The following LRIG2 variants were observed in gnomAD, a reference collection of about 807,000 sequenced individuals.
LRIG2 encodes leucine rich repeats and immunoglobulin like domains 2.
A neutral mutation model predicts 107.8 loss-of-function variants in LRIG2; 93 were observed. The ratio of observed to expected loss-of-function variants is 0.86; its 90% confidence interval spans 0.73 to 1.03. The LOEUF (loss-of-function observed/expected upper bound fraction) is 1.03. LRIG2 is among the 50% of genes least tolerant of loss of function. LRIG2 has a pLI of 0.00. For synonymous variants in LRIG2, 471 were observed against 470.6 expected, an observed-to-expected ratio of 1.00 and a Z score of -0.01; for missense variants, 1,226 against 1,296.0, an observed-to-expected ratio of 0.95 and a Z score of 0.83.
At position 113,113,793 on chromosome 1, in the gene LRIG2, C is replaced by A. The variant is rs529442922; in HGVS notation, c.2081-634C>A. ...GGTCAGGCTGGTCTCGAACTCCTGA[C>A]CTCATGATCCGCCTGCCTCAGCCTT... is the stretch of plus-strand genomic sequence containing the variant. On this transcript the variant is annotated intron_variant, in intron 14 of 17. Coordinates refer to ENST00000361127, the MANE Select transcript of LRIG2 (RefSeq NM_014813.3). Among the ~76,000 whole-genome samples the A allele has an allele frequency of 2.0e-5, 3 of 151,994 alleles. No homozygotes were observed. In the East Asian group the frequency reaches 5.8e-4, roughly 29 times the overall value.
chr1:113,083,363 T>TTTG (rs1653378188), intron 1 of LRIG2, among the ~76,000 whole-genome samples: 1 of 148,530 alleles, frequency 6.7e-6, no homozygotes, highest in African/African-American at 2.5e-5. Flanking sequence ...TTTTTTTTTT[T>TTTG]GAGACGGAGT....
intron 11 of LRIG2, 120 bp downstream of exon 11, chr1:113,100,608 G>A: frequency 1.7e-6 from 1 of 597,336 alleles, no homozygotes; most frequent in East Asian, 2.8e-5. Context: ...CAGGAAAAAA[G>A]AAAGTATTAA....
chr1:113,089,724 G>A (rs973011854), intron 1 of LRIG2, among the ~76,000 whole-genome samples: 15 of 111,388 alleles, frequency 1.3e-4, no homozygotes, highest in African/African-American at 4.3e-4. Context: ...CTTTGTCACC[G>A]AGGCTGGAGT....
At chr1:113,108,828 A>G (rs1273508192) in intron 12 of LRIG2, among the ~76,000 whole-genome samples, 1 of 152,084 alleles carries the variant, frequency 6.6e-6, no homozygotes, top group South Asian at 2.1e-4. Context: ...GTGAGGCAAG[A>G]TTGTGCCACT....
rs1654531643 is a variant in LRIG2, at chr1:113,106,167, G to A, written c.1314-1427G>A. On this transcript the variant is annotated intron_variant, in intron 11 of 17. Coordinates refer to ENST00000361127, the MANE Select transcript of LRIG2 (RefSeq NM_014813.3). ...CGCTTGAACCCGGGAGGCGGAGGTT[G>A]CAGTGGGCCGAGATTGCGCCACTGC... 2.0e-5 allele frequency among the ~76,000 whole-genome samples: 3 copies of A among 151,862 alleles called. No homozygotes were observed. In the South Asian group the frequency reaches 6.2e-4, roughly 32 times the overall value.
intron 16 of LRIG2, among the ~76,000 whole-genome samples, chr1:113,117,630 C>G (rs895050841): frequency 6.6e-6 from 1 of 151,852 alleles, no homozygotes; most frequent in Non-Finnish European, 1.5e-5. Context: ...ATTACAGGTG[C>G]GTGCCACCAT....
rs1018239176 is a variant in LRIG2 at position 113,120,921 on chromosome 1, C to T, written c.2971+1398C>T. ...GCAACCTCTGCCTCCCAGGTTCAAG[C>T]GATTTTCCTGCCTCAGCCTCCTGAG... is the stretch of plus-strand genomic sequence containing the variant. On this transcript the variant is annotated intron_variant, in intron 17 of 17. Coordinates refer to ENST00000361127, the MANE Select transcript of LRIG2 (RefSeq NM_014813.3). Among the ~76,000 whole-genome samples, 5 of 151,736 alleles carry T rather than the reference C, an allele frequency of 3.3e-5. No homozygotes were observed. In the East Asian group the frequency reaches 7.7e-4, roughly 23 times the overall value.
Position 113,125,730 on chromosome 1 carries a change from G to A in LRIG2, c.*1629G>A, listed in dbSNP as rs1047462185. On this transcript the variant is annotated 3_prime_UTR_variant, in exon 18 of 18. Transcript: ENST00000361127. ...TGTTCTGACTGGGGTGAGCCGCTAG[G>A]ATACAAATCACTATCACTGTCCATA... 6.6e-6 allele frequency: 1 copy of A among 152,174 alleles called. No individual in the cohort carries two copies. Among genetic ancestry groups the A allele is most frequent in the African/African-American group, 2.4e-5 (1 of 41,440 alleles). The allele number at this position is 152,174 out of a possible 1,614,324, so 9.4% of individuals were successfully genotyped here.
chr1:113,096,363 AT>A lies in LRIG2; in HGVS notation c.1091del (p.Leu364Ter). On this transcript the variant is annotated frameshift_variant and splice_region_variant, in exon 8 of 18. Transcript: ENST00000361127. LOFTEE classifies it high-confidence loss of function. ...VFRFLSNLQT[L>X]DLRNNEISWA... ...TTAGATTTCTTTCCAATCTTCAGACATTGTAAGTATATCCATTCTCCTTTTT... is the reference window on the plus strand; with the variant it reads ...TTAGATTTCTTTCCAATCTTCAGACATGTAAGTATATCCATTCTCCTTTTT... The A allele has an allele frequency of 1.9e-6, 3 of 1,612,438 alleles. No homozygotes were observed. The highest frequency in any genetic ancestry group is 2.5e-6 in the Non-Finnish European group (3 of 1,179,558).
rs148144342 is a variant in LRIG2 at position 113,124,300 on chromosome 1, C to T, written c.*199C>T. The stretch of plus-strand genomic sequence containing the variant: ...TGGCAACAGCTGACAGAAATGGGTA[C>T]AGCTCATCAAAAATGTGCAGCACCG... On this transcript the variant is annotated 3_prime_UTR_variant, in exon 18 of 18. Transcript: ENST00000361127. 291 of 595,866 alleles carry T rather than the reference C, an allele frequency of 4.9e-4. 1 individual carries two copies. The East Asian group carries it at 6.2e-3, about 13-fold the overall frequency. The allele number at this position is 595,866 out of a possible 1,614,324, so 36.9% of individuals were successfully genotyped here.
chr1:113,119,903 T>A (rs901221693), intron 17 of LRIG2, among the ~76,000 whole-genome samples: 1 of 152,012 alleles, frequency 6.6e-6, no homozygotes, highest in Non-Finnish European at 1.5e-5. Flanking sequence ...TCTGCCTCCC[T>A]GGTTCAAGCA....
At chr1:113,084,789 C>T (rs1365657329) in intron 1 of LRIG2, among the ~76,000 whole-genome samples, 1 of 152,098 alleles carries the variant, frequency 6.6e-6, no homozygotes, top group Non-Finnish European at 1.5e-5. Flanking sequence ...TGGCATTTAA[C>T]CAGTTGAGAA....
At chr1:113,110,590 T>G in intron 13 of LRIG2, 28 bp downstream of exon 13, 1 of 1,512,970 alleles carries the variant, frequency 6.6e-7, no homozygotes, top group Non-Finnish European at 9.0e-7. Context: ...TTGATTTTTT[T>G]TAGTTTAGAA....
intron 14 of LRIG2, 76 bp downstream of exon 14, chr1:113,112,836 A>T: frequency 7.2e-7 from 1 of 1,388,084 alleles, no homozygotes; most frequent in Non-Finnish European, 9.7e-7. Flanking sequence ...TGAGCAAGAA[A>T]AATAAGTTTG....
Position 113,124,696 on chromosome 1 carries a change from T to A in LRIG2, c.*595T>A, listed in dbSNP as rs967972392. The A allele has an allele frequency of 6.5e-6, 1 of 152,902 alleles. No homozygotes were observed. Among genetic ancestry groups the A allele is most frequent in the African/African-American group, 2.4e-5 (1 of 41,442 alleles). The allele number at this position is 152,902 out of a possible 1,614,324, so 9.5% of individuals were successfully genotyped here. ...TGTCCCTATTGCCCAGGGATGTCAT[T>A]GTAAATATATGTGCATTTATAAATA... On this transcript the variant is annotated 3_prime_UTR_variant, in exon 18 of 18. Transcript: ENST00000361127.
intron 6 of LRIG2, among the ~76,000 whole-genome samples, chr1:113,095,611 G>A (rs1654027312): frequency 1.3e-5 from 2 of 152,034 alleles, no homozygotes; most frequent in East Asian, 3.9e-4. Flanking sequence ...GTTTTACCAT[G>A]TTGGTCAGGG....
At position 113,096,379 on chromosome 1, in the gene LRIG2, T is replaced by C; in HGVS notation, c.1091+14T>C. The stretch of plus-strand genomic sequence containing the variant: ...TCTTCAGACATTGTAAGTATATCCA[T>C]TCTCCTTTTTGGTTGTTGTTACTGA... On this transcript the variant is annotated intron_variant, in intron 8 of 17. Transcript: ENST00000361127. 11 of 1,604,522 alleles carry C rather than the reference T, an allele frequency of 6.9e-6. No homozygotes were observed. The highest frequency in any genetic ancestry group is 9.3e-6 in the Non-Finnish European group (11 of 1,176,818).
rs1323619961 is a variant in LRIG2, at chr1:113,128,068, T to C, written c.*3967T>C. On this transcript the variant is annotated 3_prime_UTR_variant, in exon 18 of 18. Coordinates refer to ENST00000361127, the MANE Select transcript of LRIG2 (RefSeq NM_014813.3). The stretch of plus-strand genomic sequence containing the variant: ...AATTTCAGCCACTTAAATAAAAATA[T>C]CTATTTTTAAGTCCTGGTTCAAGGG... The C allele has an allele frequency of 2.0e-5, 3 of 152,188 alleles. No homozygotes were observed. The highest frequency in any genetic ancestry group is 1.5e-5 in the Non-Finnish European group (1 of 68,042). 9.4% of individuals were successfully genotyped at this position (152,188 alleles called of 1,614,324 possible). A position where few individuals can be genotyped will look rare whatever the true frequency, so the allele number is the denominator to read the frequency against.
intron 6 of LRIG2, 31 bp from the exon 7 acceptor site, chr1:113,095,843 C>G (rs542845616): frequency 1.2e-6 from 2 of 1,612,936 alleles, no homozygotes; most frequent in East Asian, 2.2e-5. Flanking sequence ...TGTTTTGGAA[C>G]GTATTTTCTT....
Sources: gnomAD v4.1 joint callset for allele counts (sites outside exome capture counted in the v4.1 genomes callset) on GRCh38, gnomAD v4.1.1 for gene constraint, MANE v1.5 for transcripts, NCBI Gene and HGNC (gene_info 2026-07-23, HGNC 2026-07-21) for gene names.